Variants in HS3ST4 observed in about 807,000 individuals in gnomAD.
The protein encoded by HS3ST4 is heparan sulfate glucosamine 3-O-sulfotransferase 4.
Under a neutral mutation model 29.2 loss-of-function variants are expected in HS3ST4, and 17 were observed. The ratio of observed to expected loss-of-function variants is 0.58; its 90% CI spans 0.40 to 0.87. The LOEUF (loss-of-function observed/expected upper bound fraction) is 0.87, where lower values mean the gene tolerates loss of function less well. HS3ST4 is among the 40% of genes least tolerant of loss of function. The pLI, the probability that HS3ST4 is intolerant of heterozygous loss-of-function variation, is 0.00. For synonymous variants in HS3ST4, 314 were observed against 285.7 expected (o/e 1.10, Z -1.00); for missense variants, 627 against 634.5 (o/e 0.99, Z 0.13).
At chr16:26,046,911 GT>G (rs2141762650) in intron 1 of HS3ST4, among the ~76,000 whole-genome samples, 1 of 152,272 alleles carries the variant, frequency 6.6e-6, no homozygotes, top group Admixed American at 6.5e-5. Flanking sequence ...CAACTAGTAA[GT>G]GTCTAAGTCA....
chr16:26,003,669 G>A (rs1969231742), intron 1 of HS3ST4, among the ~76,000 whole-genome samples: 1 of 152,154 alleles, frequency 6.6e-6, no homozygotes, highest in African/African-American at 2.4e-5. Context: ...CCCTGAACTG[G>A]CCACTATGGT....
intron 1 of HS3ST4, among the ~76,000 whole-genome samples, chr16:26,114,403 G>T (rs527593718): frequency 6.6e-6 from 1 of 152,244 alleles, no homozygotes; most frequent in South Asian, 2.1e-4. Flanking sequence ...TCCCAGTGCT[G>T]CCAGGGACAC....
intron 1 of HS3ST4, among the ~76,000 whole-genome samples, chr16:26,117,951 A>C (rs916533885): frequency 3.3e-4 from 51 of 152,360 alleles, no homozygotes; most frequent in African/African-American, 1.1e-3. Flanking sequence ...TAAATTAGTT[A>C]ATTCCAGATC....
chr16:25,717,029 G>C (rs1385123515), intron 1 of HS3ST4, among the ~76,000 whole-genome samples: 1 of 151,990 alleles, frequency 6.6e-6, no homozygotes, highest in African/African-American at 2.4e-5. Flanking sequence ...ACTCCAGCCT[G>C]GGCAACAAGA....
intron 1 of HS3ST4, among the ~76,000 whole-genome samples, chr16:25,920,209 T>C (rs1279758402): frequency 6.6e-6 from 1 of 152,184 alleles, no homozygotes; most frequent in Non-Finnish European, 1.5e-5. Context: ...AGCTGCTCTC[T>C]CTTTCAACCC....
intron 1 of HS3ST4, among the ~76,000 whole-genome samples, chr16:25,789,389 CTCTT>C (rs1264104570): frequency 1.0e-4 from 15 of 146,858 alleles, no homozygotes; most frequent in South Asian, 2.2e-4. Flanking sequence ...TTCTTTCTTT[CTCTT>C]TCTTTGTTTT....
chr16:25,729,245 AG>A (rs1461146143), intron 1 of HS3ST4, among the ~76,000 whole-genome samples: 2 of 152,188 alleles, frequency 1.3e-5, no homozygotes, highest in African/African-American at 4.8e-5. Flanking sequence ...TTCCTGAAAA[AG>A]AAATGAGACA....
At chr16:25,737,963 G>T (rs1453071867) in intron 1 of HS3ST4, among the ~76,000 whole-genome samples, 1 of 150,536 alleles carries the variant, frequency 6.6e-6, no homozygotes, top group Non-Finnish European at 1.5e-5. Context: ...GGTGTGCAGT[G>T]GAGCAATCTC....
chr16:26,052,198 A>G (rs957155461), intron 1 of HS3ST4, among the ~76,000 whole-genome samples: 3 of 152,022 alleles, frequency 2.0e-5, no homozygotes, highest in Non-Finnish European at 4.4e-5. Context: ...GCCTTGCTGC[A>G]TGTCCCCACT....
intron 1 of HS3ST4, among the ~76,000 whole-genome samples, chr16:26,079,010 G>A (rs1898696646): frequency 6.6e-6 from 1 of 152,204 alleles, no homozygotes; most frequent in South Asian, 2.1e-4. Context: ...GGCTCTCATT[G>A]TTTGTGGTGC....
At chr16:25,996,914 G>A (rs1033931587) in intron 1 of HS3ST4, among the ~76,000 whole-genome samples, 1 of 152,088 alleles carries the variant, frequency 6.6e-6, no homozygotes, top group African/African-American at 2.4e-5. Flanking sequence ...GGTTGGTACT[G>A]TTAACACAGT....
intron 1 of HS3ST4, among the ~76,000 whole-genome samples, chr16:25,869,734 A>T (rs1967730189): frequency 6.6e-6 from 1 of 152,138 alleles, no homozygotes; most frequent in Admixed American, 6.5e-5. Context: ...GGTGATATTA[A>T]CCAGATGGGA....
chr16:26,134,294 T>C (rs761679452), intron 1 of HS3ST4, among the ~76,000 whole-genome samples: 1 of 152,056 alleles, frequency 6.6e-6, no homozygotes, highest in Non-Finnish European at 1.5e-5. Flanking sequence ...ATGCTAGATC[T>C]TTCATCTTAT....
chr16:25,786,565 C>A (rs997081188), intron 1 of HS3ST4, among the ~76,000 whole-genome samples: 1 of 152,118 alleles, frequency 6.6e-6, no homozygotes, highest in Non-Finnish European at 1.5e-5. Context: ...TAACTCTTTA[C>A]CCTTTCACTA....
chr16:25,885,901 C>T (rs1379519030), intron 1 of HS3ST4, among the ~76,000 whole-genome samples: 2 of 151,664 alleles, frequency 1.3e-5, no homozygotes, highest in South Asian at 4.2e-4. Flanking sequence ...TTTTGCCTGT[C>T]CAACATGAGA....
At chr16:25,976,874 G>A (rs1596632924) in intron 1 of HS3ST4, among the ~76,000 whole-genome samples, 1 of 152,186 alleles carries the variant, frequency 6.6e-6, no homozygotes, top group Non-Finnish European at 1.5e-5. Context: ...AAATGAGGGG[G>A]TGTAGCTGTG....
intron 1 of HS3ST4, among the ~76,000 whole-genome samples, chr16:26,097,237 A>G (rs1216458768): frequency 8.3e-6 from 1 of 120,964 alleles, no homozygotes; most frequent in Non-Finnish European, 1.7e-5. Flanking sequence ...AAACTACTTT[A>G]AAGTTCATAT....
chr16:25,747,563 T>A (rs984256585), intron 1 of HS3ST4, among the ~76,000 whole-genome samples: 2 of 152,206 alleles, frequency 1.3e-5, no homozygotes. Flanking sequence ...ACGACTCTTA[T>A]CAGGCAGATG....
chr16:25,933,499 AG>A, intron 1 of HS3ST4: 1 of 452,778 alleles, frequency 2.2e-6, no homozygotes, highest in South Asian at 1.6e-5. Flanking sequence ...TAGATGCCAC[AG>A]CGAGAGTAGG....
Sources: gnomAD v4.1 joint callset for allele counts (sites outside exome capture counted in the v4.1 genomes callset) on GRCh38, gnomAD v4.1.1 for gene constraint, MANE v1.5 for transcripts, NCBI Gene and HGNC (gene_info 2026-07-23, HGNC 2026-07-21) for gene names.